TRMT9B: variants seen among roughly 807,000 people sequenced by gnomAD.
TRMT9B encodes the protein tRNA methyltransferase 9B (putative).
In TRMT9B, 16 loss-of-function variants were observed where a neutral mutation model predicts 11.5. The observed-to-expected ratio is 1.39, with a 90% confidence interval of 0.94 to 2.11. The LOEUF is 2.11. Among genes scored for constraint, TRMT9B ranks in the 30% most tolerant of loss-of-function variants. TRMT9B has a pLI of 0.00. For missense variants in TRMT9B, 941 were observed against 553.8 expected, an observed-to-expected ratio of 1.70 and a Z score of -7.02; for synonymous variants, 274 against 192.4, an observed-to-expected ratio of 1.42 and a Z score of -3.51.
chr8:13,009,450 G>A (rs1200316048), intron 3 of TRMT9B, among the ~76,000 whole-genome samples: 1 of 152,136 alleles, frequency 6.6e-6, no homozygotes, highest in African/African-American at 2.4e-5. Flanking sequence ...ATACGGTTCG[G>A]CAACAAAGTA....
intron 2 of TRMT9B, among the ~76,000 whole-genome samples, chr8:12,995,201 T>C (rs895075111): frequency 9.2e-5 from 14 of 152,326 alleles, no homozygotes; most frequent in African/African-American, 3.4e-4. Flanking sequence ...TGTTAACCTT[T>C]GGCATTATTT....
At chr8:13,002,792 T>G (rs557085031) in intron 2 of TRMT9B, among the ~76,000 whole-genome samples, 1 of 152,154 alleles carries the variant, frequency 6.6e-6, no homozygotes, top group Non-Finnish European at 1.5e-5. Context: ...TCTCTCTCCA[T>G]ACAGGGAAGA....
intron 3 of TRMT9B, chr8:13,011,310 A>T: frequency 6.1e-6 from 6 of 985,282 alleles, no homozygotes; most frequent in Non-Finnish European, 7.2e-6. Context: ...TTATTCATAT[A>T]TTCTCCACTG....
chr8:12,969,753 C>T (rs1359373034), intron 1 of TRMT9B, among the ~76,000 whole-genome samples: 1 of 151,834 alleles, frequency 6.6e-6, no homozygotes, highest in Non-Finnish European at 1.5e-5. Context: ...CTCATTGCAG[C>T]CTCAAGTGCC....
intron 1 of TRMT9B, chr8:12,960,145 T>C (rs1480115050): frequency 6.6e-6 from 1 of 152,026 alleles, no homozygotes; most frequent in Non-Finnish European, 1.5e-5. Context: ...AAATAAGGAG[T>C]TGCTGCATTT....
chr8:12,956,256 T>C (rs773763407), intron 1 of TRMT9B, among the ~76,000 whole-genome samples: 14 of 152,182 alleles, frequency 9.2e-5, no homozygotes, highest in Admixed American at 3.3e-4. Context: ...ATCTAAAATA[T>C]ATTTCATCCG....
intron 1 of TRMT9B, among the ~76,000 whole-genome samples, chr8:12,987,673 C>T (rs150725379): frequency 7.5e-6 from 1 of 134,150 alleles, no homozygotes; most frequent in Non-Finnish European, 1.6e-5. Flanking sequence ...GCCTGGGCAA[C>T]AGAATGAATA....
At chr8:12,981,569 T>C (rs1480439686) in intron 1 of TRMT9B, among the ~76,000 whole-genome samples, 1 of 152,058 alleles carries the variant, frequency 6.6e-6, no homozygotes, top group Non-Finnish European at 1.5e-5. Flanking sequence ...ATTGGTTTAT[T>C]TTTGCTTTCC....
At chr8:12,961,112 G>T (rs1259426091) in intron 1 of TRMT9B, among the ~76,000 whole-genome samples, 1 of 152,146 alleles carries the variant, frequency 6.6e-6, no homozygotes, top group African/African-American at 2.4e-5. Flanking sequence ...CTGCACTCCA[G>T]CCTGGTGACA....
intron 1 of TRMT9B, among the ~76,000 whole-genome samples, chr8:12,964,259 A>G (rs1802519456): frequency 6.6e-6 from 1 of 152,242 alleles, no homozygotes; most frequent in African/African-American, 2.4e-5. Context: ...GACATGGGGT[A>G]CATCCTACAG....
chr8:13,009,650 T>C (rs1811213267), intron 3 of TRMT9B, among the ~76,000 whole-genome samples: 1 of 152,156 alleles, frequency 6.6e-6, no homozygotes, highest in South Asian at 2.1e-4. Flanking sequence ...AATGGTAGTA[T>C]ACTATAAAAA....
intron 4 of TRMT9B, among the ~76,000 whole-genome samples, chr8:13,018,833 G>A (rs1361296849): frequency 2.6e-5 from 4 of 151,976 alleles, no homozygotes; most frequent in Non-Finnish European, 5.9e-5. Flanking sequence ...AGTCTTCCAA[G>A]GCTTAGAAAC....
At chr8:13,012,881 C>T (rs771357637) in intron 4 of TRMT9B, 24 bp downstream of exon 4, 7 of 1,609,102 alleles carry the variant, frequency 4.4e-6, no homozygotes, top group African/African-American at 1.3e-5. Flanking sequence ...ATCACACATT[C>T]ACCCTTTGCC....
rs79802398 is a variant in TRMT9B, at chr8:12,989,277, A to T, written c.-199-1557A>T. Among the ~76,000 whole-genome samples, 13 of 152,226 alleles carry T rather than the reference A, an allele frequency of 8.5e-5. No individual in the cohort carries two copies. The East Asian group carries it at 9.6e-4, about 11-fold the overall frequency. ...CAATACTAAATATGACTGATTTAAT[A>T]AAAAGTCTCAATTGGAATTCAACTC... is the stretch of plus-strand genomic sequence containing the variant. On this transcript the variant is annotated intron_variant, in intron 1 of 4. Transcript: ENST00000524591.
At chr8:13,011,342 C>G in intron 3 of TRMT9B, 1 of 985,296 alleles carries the variant, frequency 1.0e-6, no homozygotes, top group Non-Finnish European at 1.2e-6. Flanking sequence ...ATTAATGAAT[C>G]TTAAGTTTGC....
rs1286492889 is a variant in TRMT9B, at chr8:12,945,771, A to T, written c.-395A>T. On this transcript the variant is annotated 5_prime_UTR_variant, in exon 1 of 5. Coordinates refer to ENST00000524591, the MANE Select transcript of TRMT9B (RefSeq NM_020844.3). Reference sequence around the variant, plus strand: ...TTTTTCTTTGTTTTATTCTTTTTTCATTTTTTGTGTTTTTTGTTAGTTTGT... The same window carrying T: ...TTTTTCTTTGTTTTATTCTTTTTTCTTTTTTTGTGTTTTTTGTTAGTTTGT... The T allele has an allele frequency of 6.6e-6, 1 of 151,636 alleles. No individual in the cohort carries two copies. The highest frequency in any genetic ancestry group is 1.5e-5 in the Non-Finnish European group (1 of 67,894). The allele number at this position is 151,636 out of a possible 1,614,324, so 9.4% of individuals were successfully genotyped here.
intron 1 of TRMT9B, among the ~76,000 whole-genome samples, chr8:12,972,186 C>T (rs1803740654): frequency 6.6e-6 from 1 of 152,154 alleles, no homozygotes; most frequent in Non-Finnish European, 1.5e-5. Context: ...AGAACAACAG[C>T]AGGAAGCAGC....
rs608052 is a variant in TRMT9B at position 13,022,030 on chromosome 8, A to G, written c.1351A>G (p.Arg451Gly). The change falls in exon 5 of 5, where the codon AGA becomes GGA. Residue 451 changes from arginine to glycine, a missense_variant. Transcript: ENST00000524591. ...CTGGTGTATCATTGCAGAGAAAAAG[A>G]GAGGTTGTGATTGATTGGATCCTTT... ...GNWCIIAEKK[R>G]GCD The G allele has an allele frequency of 0.77, 1,225,831 of 1,586,460 alleles. 476,064 individuals carry two copies. Among genetic ancestry groups the G allele is most frequent in the Middle Eastern group, 0.8 (4,721 of 5,914 alleles).
At chr8:12,991,104 C>A in intron 2 of TRMT9B, 73 bp downstream of exon 2, 1 of 646,506 alleles carries the variant, frequency 1.5e-6, no homozygotes, top group Non-Finnish European at 2.1e-6. Context: ...TTTAGTGAAC[C>A]TAATTCTTCC....
Sources: allele counts gnomAD v4.1 joint callset (sites outside exome capture counted in the v4.1 genomes callset), GRCh38; gene constraint gnomAD v4.1.1; transcripts MANE v1.5; gene names NCBI Gene and HGNC (gene_info 2026-07-23, HGNC 2026-07-21).